The following EYA4 variants were observed in gnomAD, a reference collection of about 807,000 sequenced individuals.
EYA4 encodes the protein EYA transcriptional coactivator and phosphatase 4.
A neutral mutation model predicts 87.9 loss-of-function variants in EYA4; 31 were observed. The ratio of observed to expected loss-of-function variants is 0.35; its 90% confidence interval spans 0.27 to 0.48. The LOEUF (loss-of-function observed/expected upper bound fraction) is 0.48, where lower values mean the gene tolerates loss of function less well. Among genes scored for constraint, EYA4 ranks in the 20% least tolerant of loss-of-function variants. The probability of loss-of-function intolerance (pLI) is 0.99; values close to 1 mark genes in which losing one functional copy is unlikely to be tolerated. For synonymous variants in EYA4, 263 were observed against 270.6 expected (o/e 0.97, Z 0.28); for missense variants, 678 against 761.4 (o/e 0.89, Z 1.29).
At chr6:133,468,075 G>A (rs1300861409) in intron 10 of EYA4, among the ~76,000 whole-genome samples, 2 of 151,822 alleles carry the variant, frequency 1.3e-5, no homozygotes, top group African/African-American at 4.8e-5. Context: ...CTCCTGCCAA[G>A]AAAACAGAAT....
At chr6:133,467,880 TA>T (rs1794985630) in intron 10 of EYA4, among the ~76,000 whole-genome samples, 1 of 152,042 alleles carries the variant, frequency 6.6e-6, no homozygotes, top group African/African-American at 2.4e-5. Context: ...TTAAAATTTT[TA>T]AATAAAAAGC....
In EYA4 at chr6:133,338,302, G is replaced by A. The variant is rs1782529401; in HGVS notation, c.34-44090G>A. Among the ~76,000 whole-genome samples the A allele has an allele frequency of 1.3e-5, 2 of 152,024 alleles. 1 individual carries two copies. The highest frequency in any genetic ancestry group is 1.3e-4 in the Admixed American group (2 of 15,254). ...GAAAAAAAGGTCACTACATCAATTG[G>A]CATTTGATGTAGATAGTTTGTACTC... On this transcript the variant is annotated intron_variant, in intron 2 of 19. Coordinates refer to ENST00000355286, the MANE Select transcript of EYA4 (RefSeq NM_004100.5).
chr6:133,514,612 C>T (rs1799433940), intron 16 of EYA4, among the ~76,000 whole-genome samples: 1 of 152,062 alleles, frequency 6.6e-6, no homozygotes, highest in African/African-American at 2.4e-5. Flanking sequence ...CAATAAGAAA[C>T]CTTCCTTTTT....
intron 2 of EYA4, among the ~76,000 whole-genome samples, chr6:133,339,427 A>G (rs780169166): frequency 2.0e-5 from 3 of 152,208 alleles, no homozygotes; most frequent in Admixed American, 6.5e-5. Context: ...CTGTATGGAT[A>G]GAGGTAGTAC....
At chr6:133,366,460 A>G (rs1447747268) in intron 2 of EYA4, among the ~76,000 whole-genome samples, 1 of 152,174 alleles carries the variant, frequency 6.6e-6, no homozygotes, top group Non-Finnish European at 1.5e-5. Flanking sequence ...ATGGCACTAG[A>G]TGAATTATCC....
At chr6:133,441,436 TTTAA>T (rs1792278419) in intron 3 of EYA4, among the ~76,000 whole-genome samples, 2 of 152,246 alleles carry the variant, frequency 1.3e-5, no homozygotes, top group African/African-American at 4.8e-5. Flanking sequence ...AAATTTTCTT[TTTAA>T]TTCTCAGCAA....
At chr6:133,351,162 A>G (rs905723244) in intron 2 of EYA4, among the ~76,000 whole-genome samples, 4 of 152,304 alleles carry the variant, frequency 2.6e-5, no homozygotes, top group Middle Eastern at 3.4e-3. Flanking sequence ...ATGGTATTAT[A>G]GTGAGGCTGC....
At position 133,528,801 on chromosome 6, in the gene EYA4, T is replaced by G; in HGVS notation, c.1916T>G (p.Leu639Trp). ...ALHQALELEY[L>W] ...CACCAAGCACTGGAATTAGAGTATT[T>G]GTAACTGTGTTCTTTAGCCGGAGAT... The change falls in exon 20 of 20, where the codon TTG (leucine) becomes TGG (tryptophan). Residue 639 changes from leucine to tryptophan, a missense_variant. Physicochemically the swap from Leu to Trp is moderately conservative, Grantham distance 61. Coordinates refer to ENST00000355286, the MANE Select transcript of EYA4 (RefSeq NM_004100.5). 1 of 1,613,614 alleles carries G rather than the reference T, an allele frequency of 6.2e-7. No homozygotes were observed.
At chr6:133,264,183 G>T (rs2128246537) in intron 1 of EYA4, among the ~76,000 whole-genome samples, 1 of 152,316 alleles carries the variant, frequency 6.6e-6, no homozygotes, top group Non-Finnish European at 1.5e-5. Context: ...TGAGGGAGAA[G>T]GAAGAGGAAT....
chr6:133,464,677 G>A lies in EYA4; in HGVS notation c.725-102G>A, dbSNP rs1288825545. On this transcript the variant is annotated intron_variant, in intron 9 of 19. Transcript: ENST00000355286. ...CAACTTCAAATTTCACTGTCTTCAC[G>A]ACAAATTTCAAAGTGTTTCTCTCAC... 71 of 791,902 alleles carry A rather than the reference G, an allele frequency of 9.0e-5. No individual in the cohort carries two copies. In the Admixed American group the frequency reaches 1.2e-3, roughly 14 times the overall value. 49.1% of individuals were successfully genotyped at this position (791,902 alleles called of 1,614,324 possible). A position where few individuals can be genotyped will look rare whatever the true frequency, so the allele number is the denominator to read the frequency against.
At position 133,456,791 on chromosome 6, in the gene EYA4, CTCATAG is replaced by C; in HGVS notation, c.370+150_370+155del. The C allele has an allele frequency of 4.7e-6, 3 of 637,272 alleles. 1 individual carries two copies. In the South Asian group the frequency reaches 5.8e-5, roughly 12 times the overall value. The allele number at this position is 637,272 out of a possible 1,614,324, so 39.5% of individuals were successfully genotyped here. A position where few individuals can be genotyped will look rare whatever the true frequency, so the allele number is the denominator to read the frequency against. Reference sequence around the variant, plus strand: ...GAAACAAATTCTTATTTTTTGAGAACTCATAGTCATAGCAGTATGCATTGTTATAAA... The same window carrying C: ...GAAACAAATTCTTATTTTTTGAGAACTCATAGCAGTATGCATTGTTATAAA... On this transcript the variant is annotated intron_variant, in intron 6 of 19. Coordinates refer to ENST00000355286, the MANE Select transcript of EYA4 (RefSeq NM_004100.5).
Position 133,361,081 on chromosome 6 carries a change from G to A in EYA4, c.34-21311G>A, listed in dbSNP as rs1445134707. Among the ~76,000 whole-genome samples, 20 of 152,208 alleles carry A rather than the reference G, an allele frequency of 1.3e-4. No individual in the cohort carries two copies. In the East Asian group the frequency reaches 3.5e-3, roughly 27 times the overall value. The stretch of plus-strand genomic sequence containing the variant: ...CTCCAGAGTTCATCCAGACTAGATT[G>A]GGTCACTGGCCTACTTATCACAATG... On this transcript the variant is annotated intron_variant, in intron 2 of 19. Coordinates refer to ENST00000355286, the MANE Select transcript of EYA4 (RefSeq NM_004100.5).
At chr6:133,277,835 C>T (rs569855534) in intron 2 of EYA4, among the ~76,000 whole-genome samples, 6 of 152,298 alleles carry the variant, frequency 3.9e-5, no homozygotes, top group East Asian at 1.9e-4. Flanking sequence ...TTCTTCATCC[C>T]GCATCTCAAA....
At chr6:133,473,385 A>G (rs1795445647) in intron 11 of EYA4, among the ~76,000 whole-genome samples, 1 of 152,096 alleles carries the variant, frequency 6.6e-6, no homozygotes, top group Admixed American at 6.6e-5. Context: ...ACAAATATCA[A>G]GCAAGTAATT....
chr6:133,356,081 A>G (rs1784008069), intron 2 of EYA4, among the ~76,000 whole-genome samples: 1 of 151,290 alleles, frequency 6.6e-6, no homozygotes, highest in African/African-American at 2.4e-5. Flanking sequence ...GAGAGAGAGA[A>G]AAGAGTGTGC....
At chr6:133,398,374 A>G (rs1388626395) in intron 3 of EYA4, among the ~76,000 whole-genome samples, 1 of 152,234 alleles carries the variant, frequency 6.6e-6, no homozygotes, top group East Asian at 1.9e-4. Context: ...ATTTTATGCA[A>G]TAGACTTTCA....
At chr6:133,331,610 C>G (rs1004415939) in intron 2 of EYA4, among the ~76,000 whole-genome samples, 1 of 152,088 alleles carries the variant, frequency 6.6e-6, no homozygotes, top group Non-Finnish European at 1.5e-5. Flanking sequence ...AAGAAAGGAC[C>G]TAGTTTACTG....
chr6:133,407,826 AT>A (rs1788857539), intron 3 of EYA4, among the ~76,000 whole-genome samples: 1 of 152,162 alleles, frequency 6.6e-6, no homozygotes, highest in Non-Finnish European at 1.5e-5. Context: ...TATTTCTCAA[AT>A]TCCTAGACCA....
chr6:133,359,637 C>A (rs948134259), intron 2 of EYA4, among the ~76,000 whole-genome samples: 1 of 152,178 alleles, frequency 6.6e-6, no homozygotes, highest in African/African-American at 2.4e-5. Context: ...CTCAGTAGGA[C>A]AGGCAGTCAT....
Sources: allele counts gnomAD v4.1 joint callset (sites outside exome capture counted in the v4.1 genomes callset), GRCh38; gene constraint gnomAD v4.1.1; transcripts MANE v1.5; gene names NCBI Gene and HGNC (gene_info 2026-07-23, HGNC 2026-07-21).